Variants in GOLM2 observed in about 807,000 individuals in gnomAD.
GOLM2 encodes golgi membrane protein 2.
A neutral mutation model predicts 55.9 loss-of-function variants in GOLM2; 26 were observed. The observed-to-expected ratio is 0.47, with a 90% confidence interval of 0.34 to 0.65. The LOEUF is 0.65. Ranked by LOEUF, GOLM2 falls within the 30% of genes least tolerant of loss-of-function variation. The probability of loss-of-function intolerance (pLI) is 0.01; values close to 1 mark genes in which losing one functional copy is unlikely to be tolerated. For synonymous variants in GOLM2, 165 were observed against 194.6 expected (o/e 0.85, Z 1.27); for missense variants, 486 against 531.8 (o/e 0.91, Z 0.85).
chr15:44,327,038 C>T (rs1355176799), intron 2 of GOLM2, among the ~76,000 whole-genome samples: 1 of 151,204 alleles, frequency 6.6e-6, no homozygotes, highest in Non-Finnish European at 1.5e-5. Flanking sequence ...GTAAGCTCCA[C>T]CTTCTGAGTT....
At chr15:44,344,287 G>A (rs867787004) in intron 6 of GOLM2, among the ~76,000 whole-genome samples, 1 of 138,312 alleles carries the variant, frequency 7.2e-6, no homozygotes, top group East Asian at 2.1e-4. Context: ...ATATGTGTGT[G>A]TATATATATA....
intron 9 of GOLM2, among the ~76,000 whole-genome samples, chr15:44,410,503 T>C (rs2079631202): frequency 6.6e-6 from 1 of 152,094 alleles, no homozygotes; most frequent in Admixed American, 6.6e-5. Context: ...AAAGTAAAAG[T>C]GTGAAATGGA....
intron 8 of GOLM2, among the ~76,000 whole-genome samples, chr15:44,397,833 G>T (rs1445710080): frequency 6.6e-6 from 1 of 152,020 alleles, no homozygotes; most frequent in Non-Finnish European, 1.5e-5. Flanking sequence ...AGCAACATTT[G>T]CTTTCTCATA....
chr15:44,296,537 A>T (rs1430098708), intron 1 of GOLM2, among the ~76,000 whole-genome samples: 1 of 152,178 alleles, frequency 6.6e-6, no homozygotes, highest in Non-Finnish European at 1.5e-5. Context: ...TTGGGGGAAA[A>T]TTTTGGAATA....
chr15:44,298,450 AT>A (rs1243797774), intron 1 of GOLM2, among the ~76,000 whole-genome samples: 1 of 92,062 alleles, frequency 1.1e-5, no homozygotes, highest in African/African-American at 4.2e-5. Flanking sequence ...TTTTTTTTGT[AT>A]TTTTAGTAAA....
At position 44,289,550 on chromosome 15, in the gene GOLM2, G is replaced by GA. The variant is rs1276499369; in HGVS notation, c.327+201dup. 5.3e-5 allele frequency among the ~76,000 whole-genome samples: 8 copies of GA among 152,274 alleles called. No individual in the cohort carries two copies. The East Asian group carries it at 5.8e-4, about 11-fold the overall frequency. ...GTGCCACGTTCTCTGGTCCCTGCCA[G>GA]AAAAAAATGACTGTAAATTCTGGTT... On this transcript the variant is annotated intron_variant, in intron 1 of 9. Coordinates refer to ENST00000299957, the MANE Select transcript of GOLM2 (RefSeq NM_138423.4). The surrounding 1 kb of genome is among the most constrained non-coding windows in gnomAD (Gnocchi z 4.8).
At chr15:44,398,965 G>C (rs980082407) in intron 8 of GOLM2, among the ~76,000 whole-genome samples, 5 of 152,016 alleles carry the variant, frequency 3.3e-5, no homozygotes, top group Admixed American at 1.3e-4. Context: ...ACCATGCCTG[G>C]CCCCGTAATT....
intron 8 of GOLM2, among the ~76,000 whole-genome samples, chr15:44,394,554 C>G (rs1000988319): frequency 1.3e-5 from 2 of 152,170 alleles, no homozygotes; most frequent in African/African-American, 4.8e-5. Flanking sequence ...TATGCAGGGC[C>G]TATATCCCTT....
At chr15:44,391,416 C>T (rs576586740) in intron 8 of GOLM2, among the ~76,000 whole-genome samples, 2 of 151,700 alleles carry the variant, frequency 1.3e-5, no homozygotes, top group African/African-American at 4.8e-5. Context: ...ACTTGGGAGG[C>T]TGAGGCAGGA....
intron 8 of GOLM2, among the ~76,000 whole-genome samples, chr15:44,398,464 G>T (rs2079541698): frequency 6.6e-6 from 1 of 151,762 alleles, no homozygotes; most frequent in Admixed American, 6.6e-5. Context: ...GTAGATTTAT[G>T]ATTTATTTTT....
At chr15:44,297,914 C>T (rs370616067) in intron 1 of GOLM2, among the ~76,000 whole-genome samples, 24 of 139,168 alleles carry the variant, frequency 1.7e-4, no homozygotes, top group African/African-American at 6.3e-4. Context: ...GTTGCCCAGG[C>T]TGCAGTACAG....
intron 4 of GOLM2, among the ~76,000 whole-genome samples, chr15:44,334,673 G>A (rs1015448580): frequency 6.6e-6 from 1 of 152,158 alleles, no homozygotes; most frequent in African/African-American, 2.4e-5. Context: ...TGTTTACTGC[G>A]TTCATGCTGT....
chr15:44,394,332 T>C (rs2079510569), intron 8 of GOLM2, among the ~76,000 whole-genome samples: 1 of 152,088 alleles, frequency 6.6e-6, no homozygotes, highest in African/African-American at 2.4e-5. Context: ...AGAAAGGTGG[T>C]TTTTAGTTGA....
At chr15:44,411,134 A>G (rs1308896272) in intron 9 of GOLM2, among the ~76,000 whole-genome samples, 1 of 144,968 alleles carries the variant, frequency 6.9e-6, no homozygotes, top group Non-Finnish European at 1.5e-5. Context: ...CAATCCTCCT[A>G]CCTCAGCCTC....
chr15:44,385,749 G>A (rs995612720), intron 8 of GOLM2, among the ~76,000 whole-genome samples: 10 of 151,992 alleles, frequency 6.6e-5, no homozygotes, highest in African/African-American at 2.4e-4. Flanking sequence ...GTGGAGATGG[G>A]GTCTTGCTGT....
At chr15:44,353,586 C>T (rs547121693) in intron 6 of GOLM2, among the ~76,000 whole-genome samples, 1 of 152,256 alleles carries the variant, frequency 6.6e-6, no homozygotes, top group South Asian at 2.1e-4. Flanking sequence ...CATTGGAGTA[C>T]TATTTAGCCT....
At chr15:44,407,908 C>T (rs2079608738) in intron 9 of GOLM2, among the ~76,000 whole-genome samples, 1 of 151,896 alleles carries the variant, frequency 6.6e-6, no homozygotes, top group African/African-American at 2.4e-5. Flanking sequence ...TCCACCATCA[C>T]GTCCAGCTGA....
chr15:44,330,142 C>T (rs2079012392), intron 3 of GOLM2, among the ~76,000 whole-genome samples: 1 of 147,222 alleles, frequency 6.8e-6, no homozygotes, highest in Admixed American at 6.8e-5. Context: ...GATCTCCTGA[C>T]CTCGTGATCC....
At chr15:44,327,266 T>C (rs1238995546) in intron 2 of GOLM2, among the ~76,000 whole-genome samples, 1 of 150,508 alleles carries the variant, frequency 6.6e-6, no homozygotes, top group Non-Finnish European at 1.5e-5. Flanking sequence ...ATCTGCTTTT[T>C]AAAAACAGCC....
Sources: gnomAD v4.1 joint callset for allele counts (sites outside exome capture counted in the v4.1 genomes callset) on GRCh38, gnomAD v4.1.1 for gene constraint, Gnocchi (gnomAD v3.1) non-coding constraint, MANE v1.5 for transcripts, NCBI Gene and HGNC (gene_info 2026-07-23, HGNC 2026-07-21) for gene names.